The following MBOAT2 variants were observed in gnomAD, a reference collection of about 807,000 sequenced individuals.
MBOAT2 encodes membrane-bound glycerophospholipid O-acyltransferase 2.
Under a neutral mutation model 63.4 loss-of-function variants are expected in MBOAT2, and 28 were observed. The ratio of observed to expected loss-of-function variants is 0.44; its 90% CI spans 0.33 to 0.61. The LOEUF is 0.61. Ranked by LOEUF, MBOAT2 falls within the 20% of genes least tolerant of loss-of-function variation. MBOAT2 has a pLI of 0.03. For missense variants in MBOAT2, 470 were observed against 605.8 expected (o/e 0.78, Z 2.35); for synonymous variants, 211 against 215.6 (o/e 0.98, Z 0.19).
At chr2:8,994,705 G>A (rs895643447) in intron 1 of MBOAT2, among the ~76,000 whole-genome samples, 15 of 152,192 alleles carry the variant, frequency 9.9e-5, no homozygotes, top group African/African-American at 3.4e-4. Flanking sequence ...GGGCATGTAG[G>A]TGTAGCATGC....
intron 2 of MBOAT2, among the ~76,000 whole-genome samples, chr2:8,943,675 C>T (rs1227014574): frequency 6.6e-6 from 1 of 152,196 alleles, no homozygotes; most frequent in Non-Finnish European, 1.5e-5. Flanking sequence ...CAACTTTGTA[C>T]TCTGCCTTTA....
At chr2:8,952,861 T>C in intron 2 of MBOAT2, among the ~76,000 whole-genome samples, 1 of 152,158 alleles carries the variant, frequency 6.6e-6, no homozygotes, top group East Asian at 1.9e-4. Flanking sequence ...AGCCTGTGGA[T>C]GTCATTATGT....
At chr2:8,859,786 A>G (rs1165024532) in intron 12 of MBOAT2, among the ~76,000 whole-genome samples, 1 of 152,254 alleles carries the variant, frequency 6.6e-6, no homozygotes, top group African/African-American at 2.4e-5. Flanking sequence ...TAAGTAGATT[A>G]TAAAAATACA....
rs1348772373 is a variant in MBOAT2, at chr2:8,929,084, C to T, written c.299+14103G>A. Among the ~76,000 whole-genome samples, 5 of 152,072 alleles carry T rather than the reference C, an allele frequency of 3.3e-5. No individual in the cohort carries two copies. The East Asian group carries it at 9.6e-4, about 29-fold the overall frequency. On this transcript the variant is annotated intron_variant, in intron 3 of 12. Transcript: ENST00000305997. ...GTGGGAAATTTTCTACTTATGTCAG[C>T]AGACACAAAAATAGATCTCTAAATT...
chr2:8,951,697 G>C (rs1429785082), intron 2 of MBOAT2, among the ~76,000 whole-genome samples: 2 of 152,124 alleles, frequency 1.3e-5, no homozygotes, highest in Non-Finnish European at 2.9e-5. Context: ...ATTTCCTCTA[G>C]ATTTTCTAGT....
intron 4 of MBOAT2, among the ~76,000 whole-genome samples, chr2:8,897,031 G>A (rs62104417): frequency 0.013 from 1,989 of 152,320 alleles, 28 homozygotes; most frequent in Non-Finnish European, 0.019. Flanking sequence ...GTGTTACAGG[G>A]TTATAGAGAA....
At chr2:8,969,654 A>T (rs1353695887) in intron 1 of MBOAT2, among the ~76,000 whole-genome samples, 6 of 152,232 alleles carry the variant, frequency 3.9e-5, no homozygotes, top group Admixed American at 3.9e-4. Context: ...ACGTAGGCTC[A>T]AAATAAAGGG....
intron 1 of MBOAT2, among the ~76,000 whole-genome samples, chr2:8,979,080 T>C (rs1239927870): frequency 2.6e-5 from 4 of 152,168 alleles, no homozygotes; most frequent in African/African-American, 4.8e-5. Flanking sequence ...AAAAAACTCC[T>C]CTACTGGCCT....
intron 1 of MBOAT2, among the ~76,000 whole-genome samples, chr2:8,987,898 CTTT>C (rs376949855): frequency 9.9e-5 from 15 of 152,080 alleles, no homozygotes; most frequent in African/African-American, 3.4e-4. Context: ...TCTATTTATA[CTTT>C]TTTATTTTAT....
chr2:8,977,543 T>C (rs1028910422), intron 1 of MBOAT2, among the ~76,000 whole-genome samples: 1 of 152,120 alleles, frequency 6.6e-6, no homozygotes, highest in Non-Finnish European at 1.5e-5. Flanking sequence ...GACCATCCTG[T>C]CCAACTTTCT....
chr2:8,931,598 C>T (rs954940520), intron 3 of MBOAT2, among the ~76,000 whole-genome samples: 1 of 152,122 alleles, frequency 6.6e-6, no homozygotes, highest in Non-Finnish European at 1.5e-5. Flanking sequence ...AATTATATCC[C>T]ATTTGTCAAT....
intron 11 of MBOAT2, among the ~76,000 whole-genome samples, chr2:8,861,504 A>C (rs768056156): frequency 8.5e-5 from 13 of 152,236 alleles, no homozygotes; most frequent in Non-Finnish European, 1.6e-4. Flanking sequence ...ATTGGTGAAC[A>C]GGATGGAATC....
Position 8,912,977 on chromosome 2 carries a change from A to G in MBOAT2, c.300-4261T>C, listed in dbSNP as rs189116650. 2.7e-4 allele frequency among the ~76,000 whole-genome samples: 41 copies of G among 152,350 alleles called. No individual in the cohort carries two copies. The East Asian group carries it at 6.4e-3, about 24-fold the overall frequency. ...GCCATAGTCACAAAAACAGCATGGT[A>G]CTGGCATAAAAATAGGCACACAAAC... On this transcript the variant is annotated intron_variant, in intron 3 of 12. Transcript: ENST00000305997.
At chr2:8,927,120 G>A (rs1405772390) in intron 3 of MBOAT2, among the ~76,000 whole-genome samples, 1 of 152,178 alleles carries the variant, frequency 6.6e-6, no homozygotes, top group Non-Finnish European at 1.5e-5. Flanking sequence ...TGTGGTGTTA[G>A]GTATGCTGGG....
intron 1 of MBOAT2, among the ~76,000 whole-genome samples, chr2:8,993,318 A>C (rs983952451): frequency 6.6e-6 from 1 of 152,200 alleles, no homozygotes; most frequent in African/African-American, 2.4e-5. Flanking sequence ...CTTCTTACCT[A>C]AGAGAGACCT....
intron 3 of MBOAT2, among the ~76,000 whole-genome samples, chr2:8,909,407 C>A (rs377765122): frequency 2.0e-5 from 3 of 152,046 alleles, no homozygotes; most frequent in African/African-American, 7.2e-5. Flanking sequence ...GAAAAGCAAG[C>A]TATGCCTTCA....
chr2:8,894,127 T>A (rs980886123), intron 4 of MBOAT2, among the ~76,000 whole-genome samples: 1 of 152,074 alleles, frequency 6.6e-6, no homozygotes, highest in Non-Finnish European at 1.5e-5. Flanking sequence ...CAGAACCCGA[T>A]ACGTGATATT....
intron 4 of MBOAT2, among the ~76,000 whole-genome samples, chr2:8,907,830 G>C (rs990050097): frequency 6.6e-6 from 1 of 152,064 alleles, no homozygotes; most frequent in Non-Finnish European, 1.5e-5. Flanking sequence ...TTGTTTTATA[G>C]AAGTGATTTT....
intron 1 of MBOAT2, among the ~76,000 whole-genome samples, chr2:8,979,564 T>G (rs7588972): frequency 0.028 from 4,289 of 152,216 alleles, 210 homozygotes; most frequent in African/African-American, 0.097. Context: ...CAAGTATGTG[T>G]TGTTAAGATA....
Sources: gnomAD v4.1 joint callset for allele counts (sites outside exome capture counted in the v4.1 genomes callset) on GRCh38, gnomAD v4.1.1 for gene constraint, MANE v1.5 for transcripts, NCBI Gene and HGNC (gene_info 2026-07-23, HGNC 2026-07-21) for gene names.